Variants in MCTP1 observed in about 807,000 individuals in gnomAD.
The protein encoded by MCTP1 is multiple C2 and transmembrane domain containing 1.
Under a neutral mutation model 120.6 loss-of-function variants are expected in MCTP1, and 69 were observed. That is an observed-to-expected ratio of 0.57 (90% CI 0.47 to 0.70). The LOEUF (loss-of-function observed/expected upper bound fraction) is 0.70, where lower values mean the gene tolerates loss of function less well. MCTP1 is among the 30% of genes least tolerant of loss of function. The pLI is 0.00. For missense variants in MCTP1, 1,203 were observed against 1,248.8 expected, an observed-to-expected ratio of 0.96 and a Z score of 0.55; for synonymous variants, 529 against 493.1, an observed-to-expected ratio of 1.07 and a Z score of -0.96.
At chr5:95,170,223 C>G (rs370795332) in intron 1 of MCTP1, among the ~76,000 whole-genome samples, 18 of 152,244 alleles carry the variant, frequency 1.2e-4, no homozygotes, top group South Asian at 6.2e-4. Context: ...GAGTGGTTTT[C>G]AGTGAGTTTC....
chr5:94,909,466 A>T (rs1807875208), intron 9 of MCTP1, 85 bp from the exon 10 acceptor site: 1 of 1,380,922 alleles, frequency 7.2e-7, no homozygotes, highest in African/African-American at 1.5e-5. Context: ...AACTTTTGGT[A>T]CTATAGTATC....
At chr5:94,831,773 G>A (rs961192199) in intron 17 of MCTP1, among the ~76,000 whole-genome samples, 10 of 152,048 alleles carry the variant, frequency 6.6e-5, no homozygotes, top group Non-Finnish European at 7.4e-5. Context: ...CAATTTTATG[G>A]GAACACAATA....
At chr5:95,149,738 T>G (rs772178467) in intron 1 of MCTP1, among the ~76,000 whole-genome samples, 11 of 152,196 alleles carry the variant, frequency 7.2e-5, no homozygotes, top group Non-Finnish European at 1.5e-4. Flanking sequence ...ATCCAAGGAC[T>G]GTTGGGCTCC....
chr5:95,002,955 T>C (rs760260715), intron 2 of MCTP1, among the ~76,000 whole-genome samples: 9 of 152,126 alleles, frequency 5.9e-5, no homozygotes, highest in Admixed American at 1.3e-4. Context: ...AGGGAACTGG[T>C]GGAAGTTAAT....
At chr5:94,926,272 C>T (rs1813096015) in intron 6 of MCTP1, among the ~76,000 whole-genome samples, 1 of 152,074 alleles carries the variant, frequency 6.6e-6, no homozygotes, top group Non-Finnish European at 1.5e-5. Flanking sequence ...ATTGTGAAGC[C>T]TGATATTCAA....
At chr5:95,236,416 T>C (rs1041044869) in intron 1 of MCTP1, among the ~76,000 whole-genome samples, 9 of 152,192 alleles carry the variant, frequency 5.9e-5, no homozygotes, top group Non-Finnish European at 1.2e-4. Context: ...AAATTCTCTT[T>C]AGTGTAATTT....
chr5:94,783,159 T>C (rs1202630981), intron 18 of MCTP1, among the ~76,000 whole-genome samples: 1 of 152,044 alleles, frequency 6.6e-6, no homozygotes, highest in Non-Finnish European at 1.5e-5. Flanking sequence ...CTAATAAAGA[T>C]GACATTTAAA....
chr5:94,744,514 T>A (rs1456883771), intron 19 of MCTP1, among the ~76,000 whole-genome samples: 1 of 151,352 alleles, frequency 6.6e-6, no homozygotes, highest in African/African-American at 2.4e-5. Flanking sequence ...ACTAACATTT[T>A]TTTTTTTGAG....
At chr5:94,876,367 T>C (rs919683335) in intron 12 of MCTP1, among the ~76,000 whole-genome samples, 2 of 152,096 alleles carry the variant, frequency 1.3e-5, no homozygotes, top group Non-Finnish European at 2.9e-5. Flanking sequence ...GGGTTGATTC[T>C]AGGATGAAGT....
At chr5:94,927,055 A>T (rs1239272409) in intron 6 of MCTP1, among the ~76,000 whole-genome samples, 2 of 152,232 alleles carry the variant, frequency 1.3e-5, no homozygotes, top group African/African-American at 2.4e-5. Flanking sequence ...GTAGCTATGA[A>T]TTACAATACA....
chr5:95,096,322 G>C (rs1313612749), intron 1 of MCTP1, among the ~76,000 whole-genome samples: 1 of 152,194 alleles, frequency 6.6e-6, no homozygotes, highest in Non-Finnish European at 1.5e-5. Context: ...TCCTCAGGCA[G>C]ACAAAACAGA....
intron 1 of MCTP1, among the ~76,000 whole-genome samples, chr5:95,135,651 C>T (rs770616151): frequency 2.3e-4 from 35 of 152,200 alleles, no homozygotes; most frequent in Non-Finnish European, 4.4e-4. Flanking sequence ...GCTTCCTGCC[C>T]TCAAACATCA....
At chr5:95,185,258 A>T (rs1749078707) in intron 1 of MCTP1, among the ~76,000 whole-genome samples, 1 of 152,204 alleles carries the variant, frequency 6.6e-6, no homozygotes, top group Non-Finnish European at 1.5e-5. Context: ...AAAACAAAAA[A>T]TATATTCTAT....
At chr5:95,200,058 G>A (rs1052968663) in intron 1 of MCTP1, among the ~76,000 whole-genome samples, 1 of 151,842 alleles carries the variant, frequency 6.6e-6, no homozygotes, top group African/African-American at 2.4e-5. Flanking sequence ...CTACTTGGGA[G>A]GCTGAGGCAG....
At chr5:94,920,761 A>G (rs1279121912) in intron 7 of MCTP1, among the ~76,000 whole-genome samples, 1 of 149,750 alleles carries the variant, frequency 6.7e-6, no homozygotes, top group Non-Finnish European at 1.5e-5. Flanking sequence ...AAATAAATAA[A>G]TAAATAAATA....
intron 1 of MCTP1, among the ~76,000 whole-genome samples, chr5:95,023,466 G>A (rs1005509486): frequency 6.6e-6 from 1 of 152,210 alleles, no homozygotes; most frequent in African/African-American, 2.4e-5. Context: ...GAAACAGTGG[G>A]TGAGTCACAC....
At chr5:94,992,292 G>GGAT (rs148599893) in intron 2 of MCTP1, among the ~76,000 whole-genome samples, 16,648 of 151,698 alleles carry the variant, frequency 0.11, 1,190 homozygotes, top group East Asian at 0.35. Context: ...ATAATGTTGA[G>GGAT]GATGATGATG....
intron 1 of MCTP1, among the ~76,000 whole-genome samples, chr5:95,256,842 T>C (rs1196571279): frequency 1.3e-5 from 2 of 152,206 alleles, no homozygotes; most frequent in Non-Finnish European, 2.9e-5. Context: ...ATTTACATGT[T>C]GACTTTTCAT....
intron 12 of MCTP1, among the ~76,000 whole-genome samples, chr5:94,877,260 A>C (rs952570833): frequency 2.6e-4 from 40 of 152,144 alleles, no homozygotes; most frequent in African/African-American, 9.4e-4. Context: ...ATATTCCTTT[A>C]ATAGTCTCTA....
Sources: allele counts gnomAD v4.1 joint callset (sites outside exome capture counted in the v4.1 genomes callset), GRCh38; gene constraint gnomAD v4.1.1; transcripts MANE v1.5; gene names NCBI Gene and HGNC (gene_info 2026-07-23, HGNC 2026-07-21).